TAF2: variants seen among roughly 807,000 people sequenced by gnomAD.
TAF2 encodes transcription initiation factor TFIID subunit 2.
A neutral mutation model predicts 138.5 loss-of-function variants in TAF2; 61 were observed. The ratio of observed to expected loss-of-function variants is 0.44; its 90% CI spans 0.36 to 0.54. The LOEUF is 0.54. Ranked by LOEUF, TAF2 falls within the 20% of genes least tolerant of loss-of-function variation. The pLI, the probability that TAF2 is intolerant of heterozygous loss-of-function variation, is 0.00. For synonymous variants in TAF2, 475 were observed against 469.9 expected (o/e 1.01, Z -0.14); for missense variants, 1,090 against 1,427.9 (o/e 0.76, Z 3.81).
intron 3 of TAF2, among the ~76,000 whole-genome samples, chr8:119,816,972 A>C (rs1445954185): frequency 6.6e-6 from 1 of 152,234 alleles, no homozygotes; most frequent in Non-Finnish European, 1.5e-5. Context: ...TCAGAGGATA[A>C]ACAGAAGCAA....
At chr8:119,822,997 G>A (rs1262312094) in intron 2 of TAF2, among the ~76,000 whole-genome samples, 1 of 151,972 alleles carries the variant, frequency 6.6e-6, no homozygotes, top group African/African-American at 2.4e-5. Flanking sequence ...TTCTGTTTAA[G>A]AATGATATAT....
chr8:119,735,113 A>C (rs1445182677), intron 25 of TAF2, among the ~76,000 whole-genome samples: 2 of 152,200 alleles, frequency 1.3e-5, no homozygotes, highest in Admixed American at 6.5e-5. Context: ...GCCTGACTCC[A>C]GAGTCTTACT....
Position 119,732,158 on chromosome 8 carries a change from A to G in TAF2, c.3366T>C (p.Ser1122=). The G allele has an allele frequency of 6.2e-7, 1 of 1,614,170 alleles. No individual in the cohort carries two copies. The highest frequency in any genetic ancestry group is 2.2e-5 in the East Asian group (1 of 44,876). The change falls in exon 26 of 26, where the codon AGT becomes AGC. Residue 1122 remains serine, a synonymous_variant. Transcript: ENST00000378164. ...TGKEQAPLEM[S]MHPAASAPLS... is the part of the protein sequence containing the mutation. ...GTGGAGCGCTTGCCGCTGGATGCAT[A>G]CTCATCTCCAAAGGTGCTTGTTCTT...
intron 20 of TAF2, among the ~76,000 whole-genome samples, chr8:119,758,575 TG>T (rs2131048770): frequency 6.6e-6 from 1 of 152,258 alleles, no homozygotes; most frequent in South Asian, 2.1e-4. Flanking sequence ...TTTGCCCAAG[TG>T]GCTTCTTCCA....
intron 4 of TAF2, among the ~76,000 whole-genome samples, 182 bp from the exon 5 acceptor site, chr8:119,804,201 C>T (rs777258445): frequency 7.9e-5 from 12 of 152,154 alleles, no homozygotes; most frequent in Non-Finnish European, 1.5e-4. Context: ...CAACAGGCTG[C>T]CCCTATTGGT....
At chr8:119,744,238 C>T (rs2130999979) in intron 24 of TAF2, 50 bp downstream of exon 24, 6 of 1,462,446 alleles carry the variant, frequency 4.1e-6, no homozygotes, top group Non-Finnish European at 4.8e-6. Flanking sequence ...AGAATACTGA[C>T]ATCAACCAAT....
chr8:119,792,431 A>T (rs1823502660), intron 10 of TAF2, among the ~76,000 whole-genome samples: 1 of 152,112 alleles, frequency 6.6e-6, no homozygotes, highest in Non-Finnish European at 1.5e-5. Flanking sequence ...GATTACAGGC[A>T]TGAGCCCCCG....
intron 2 of TAF2, among the ~76,000 whole-genome samples, chr8:119,823,634 C>G (rs897844842): frequency 1.3e-5 from 2 of 152,146 alleles, no homozygotes; most frequent in African/African-American, 4.8e-5. Flanking sequence ...TCTTTATCAG[C>G]AGCATGAAAA....
intron 16 of TAF2, 118 bp from the exon 17 acceptor site, chr8:119,781,311 T>C: frequency 8.9e-7 from 1 of 1,118,026 alleles, no homozygotes. Flanking sequence ...ACAACTTCAC[T>C]TCTCAGAAAT....
chr8:119,746,919 C>G lies in TAF2; in HGVS notation c.2894G>C (p.Trp965Ser), dbSNP rs780965434. Residue 965 changes from tryptophan (W) to serine (S), a missense_variant, in exon 23 of 26, where the codon TGG (tryptophan) becomes TCG (serine). By Grantham distance (177) the Trp-to-Ser change is radical. This residue lies in a region of TAF2 where 580 missense variants were observed against 719.6 expected (regional missense o/e 0.81). Transcript: ENST00000378164. ...KLMNSGTSHDWRLRCGAVDLY... is the reference protein window; with the variant it reads ...KLMNSGTSHDSRLRCGAVDLY... ...GTCCACAGCACCACACCGTAACCTC[C>G]AGTCATGTGAAGTACCTAAAAAGTA... The G allele has an allele frequency of 1.9e-6, 3 of 1,613,984 alleles. No individual in the cohort carries two copies. Among genetic ancestry groups the G allele is most frequent in the Non-Finnish European group, 2.5e-6 (3 of 1,180,014 alleles).
At chr8:119,824,960 A>C (rs943234956) in intron 2 of TAF2, among the ~76,000 whole-genome samples, 1 of 152,212 alleles carries the variant, frequency 6.6e-6, no homozygotes, top group Non-Finnish European at 1.5e-5. Context: ...CAGAGCCCCC[A>C]CACAGGGTCC....
chr8:119,805,755 A>C (rs545447688), intron 4 of TAF2, among the ~76,000 whole-genome samples: 1 of 152,216 alleles, frequency 6.6e-6, no homozygotes, highest in East Asian at 1.9e-4. Flanking sequence ...ACAACGGTGA[A>C]ATAAATTGCT....
At chr8:119,765,205 A>C (rs1821336763) in intron 18 of TAF2, among the ~76,000 whole-genome samples, 1 of 152,190 alleles carries the variant, frequency 6.6e-6, no homozygotes, top group African/African-American at 2.4e-5. Context: ...TGAATATATA[A>C]ATATAGGCAT....
intron 6 of TAF2, among the ~76,000 whole-genome samples, chr8:119,798,344 AG>A (rs1281675687): frequency 6.6e-6 from 1 of 152,224 alleles, no homozygotes; most frequent in East Asian, 1.9e-4. Flanking sequence ...ACTGGTAGTT[AG>A]GAGATTAAAA....
At chr8:119,790,432 T>C (rs1031297516) in intron 11 of TAF2, among the ~76,000 whole-genome samples, 3 of 150,184 alleles carry the variant, frequency 2.0e-5, no homozygotes, top group African/African-American at 7.4e-5. Flanking sequence ...AGAGACCCTA[T>C]CTCAAAAAAA....
Position 119,776,364 on chromosome 8 carries a change from T to TA in TAF2, c.2364+1654dup, listed in dbSNP as rs398009599. 2.8e-5 allele frequency among the ~76,000 whole-genome samples: 4 copies of TA among 140,374 alleles called. No homozygotes were observed. In the East Asian group the frequency reaches 7.8e-4, roughly 27 times the overall value. 92.1% of individuals were successfully genotyped at this position (140,374 alleles called of 152,430 possible). On this transcript the variant is annotated intron_variant, in intron 18 of 25. Coordinates refer to ENST00000378164, the MANE Select transcript of TAF2 (RefSeq NM_003184.4). ...TGCCTGTGCTTTTTTTTTTTTTTTT[T>TA]ACTGTTGTAACGTTTTATTAAAAGT...
In TAF2 at chr8:119,818,718, CA is replaced by C. The variant is rs552347892; in HGVS notation, c.299+627del. On this transcript the variant is annotated intron_variant, in intron 3 of 25. Transcript: ENST00000378164. Reference sequence around the variant, plus strand: ...GAGTATTATTTAACCACAAAGATGACAAAAAAATGAAGTCCACACACACACA... The same window carrying C: ...GAGTATTATTTAACCACAAAGATGACAAAAAATGAAGTCCACACACACACA... 7.4e-3 allele frequency among the ~76,000 whole-genome samples: 1,062 copies of C among 143,590 alleles called. 9 individuals carry two copies. Among genetic ancestry groups the C allele is most frequent in the Middle Eastern group, 0.018 (5 of 284 alleles). 94.2% of individuals were successfully genotyped at this position (143,590 alleles called of 152,430 possible). A position where few individuals can be genotyped will look rare whatever the true frequency, so the allele number is the denominator to read the frequency against.
At chr8:119,799,435 G>A (rs1217246747) in intron 6 of TAF2, among the ~76,000 whole-genome samples, 1 of 151,972 alleles carries the variant, frequency 6.6e-6, no homozygotes, top group East Asian at 1.9e-4. Context: ...CGAGTTTGCT[G>A]AGAATAATGG....
At chr8:119,752,004 A>C (rs1011308875) in intron 22 of TAF2, among the ~76,000 whole-genome samples, 5 of 152,138 alleles carry the variant, frequency 3.3e-5, no homozygotes, top group Non-Finnish European at 7.3e-5. Flanking sequence ...AGGAGTATAT[A>C]CTAAAGTATT....
Sources: allele counts gnomAD v4.1 joint callset (sites outside exome capture counted in the v4.1 genomes callset), GRCh38; gene constraint gnomAD v4.1.1; regional missense constraint gnomAD v4.1.1; transcripts MANE v1.5; gene names NCBI Gene and HGNC (gene_info 2026-07-23, HGNC 2026-07-21).